Variants in CDH23 observed in about 807,000 individuals in gnomAD.
The protein encoded by CDH23 is cadherin related 23, also known as cadherin-23.
A neutral mutation model predicts 317.1 loss-of-function variants in CDH23; 189 were observed. The ratio of observed to expected loss-of-function variants is 0.60; its 90% CI spans 0.53 to 0.67. CDH23 has a LOEUF of 0.67. CDH23 is among the 30% of genes least tolerant of loss of function. The pLI, the probability that CDH23 is intolerant of heterozygous loss-of-function variation, is 0.00. For missense variants in CDH23, 4,401 were observed against 4,592.4 expected (o/e 0.96, Z 1.20); for synonymous variants, 1,839 against 1,876.8 (o/e 0.98, Z 0.52).
Position 71,489,470 on chromosome 10 carries a change from C to G in CDH23, c.146-20612C>G, listed in dbSNP as rs568172246. 4.9e-4 allele frequency among the ~76,000 whole-genome samples: 74 copies of G among 152,296 alleles called. 1 individual carries two copies. In the South Asian group the frequency reaches 0.015, roughly 31 times the overall value. On this transcript the variant is annotated intron_variant, in intron 3 of 69. Transcript: ENST00000224721. Reference sequence around the variant, plus strand: ...TACTGGTATTTGCAAGCCTCTCTTTCCATTATTGAAACACAGTAAACATGT... The same window carrying G: ...TACTGGTATTTGCAAGCCTCTCTTTGCATTATTGAAACACAGTAAACATGT...
At chr10:71,474,740 A>G (rs1002359360) in intron 3 of CDH23, among the ~76,000 whole-genome samples, 1 of 152,184 alleles carries the variant, frequency 6.6e-6, no homozygotes, top group Admixed American at 6.5e-5. Flanking sequence ...TTCTTAAGAG[A>G]ACTTACTTGT....
At position 71,778,312 on chromosome 10, in the gene CDH23, G is replaced by T. The variant is rs752015536; in HGVS notation, c.5187+4G>T. The T allele has an allele frequency of 1.2e-6, 2 of 1,613,890 alleles. No homozygotes were observed. On this transcript the variant is annotated splice_donor_region_variant and intron_variant, in intron 40 of 69. Transcript: ENST00000224721. ...CCGCCTCACCTCTACCACCACGGTG[G>T]GTGCATGGGACACAGCCCCAACTTG... is the stretch of plus-strand genomic sequence containing the variant.
rs1589293540 is a variant in CDH23 at position 71,646,569 on chromosome 10, C to A, written c.1401C>A (p.Ile467=). The change falls in exon 14 of 70, where the codon ATC becomes ATA. Residue 467 remains isoleucine, a synonymous_variant. Transcript: ENST00000224721. ...RPIFSQPLYN[I]SLYENVTVGT... ...TCTTCAGCCAGCCACTGTACAACATCAGCCTGTACGAGAACGTCACCGTGG... is the reference window on the plus strand; with the variant it reads ...TCTTCAGCCAGCCACTGTACAACATAAGCCTGTACGAGAACGTCACCGTGG... 4 of 1,614,010 alleles carry A rather than the reference C, an allele frequency of 2.5e-6. No homozygotes were observed. Among genetic ancestry groups the A allele is most frequent in the Non-Finnish European group, 2.5e-6 (3 of 1,179,900 alleles).
At position 71,704,939 on chromosome 10, in the gene CDH23, T is replaced by C. The variant is rs1488213305; in HGVS notation, c.2762T>C (p.Leu921Pro). 4.3e-6 allele frequency: 7 copies of C among 1,612,760 alleles called. No homozygotes were observed. Among genetic ancestry groups the C allele is most frequent in the Non-Finnish European group, 5.9e-6 (7 of 1,179,830 alleles). Residue 921 changes from leucine (L) to proline (P), a missense_variant, in exon 25 of 70, where the codon CTG becomes CCG. By Grantham distance (98) the Leu-to-Pro change is moderately conservative. Around this residue, in one of 3 missense-constraint regions of CDH23, gnomAD observed 3,068 missense variants for 3,203.3 expected, o/e 0.96. Transcript: ENST00000224721. ...QVVAIDLDEGLNGLVSYRMPV... is the reference protein window; with the variant it reads ...QVVAIDLDEGPNGLVSYRMPV... The stretch of plus-strand genomic sequence containing the variant: ...GTGGCCATCGACCTCGATGAGGGCC[T>C]GAACGGCCTGGTGTCCTACCGCATG...
At chr10:71,725,884 A>G (rs762408601) in intron 30 of CDH23, among the ~76,000 whole-genome samples, 3 of 152,186 alleles carry the variant, frequency 2.0e-5, no homozygotes, top group Non-Finnish European at 4.4e-5. Flanking sequence ...TTTACAGATG[A>G]GAAAACTGAG....
rs758869597 is a variant in CDH23, at chr10:71,694,115, C to T, written c.2177-32C>T. 1.9e-6 allele frequency: 3 copies of T among 1,539,024 alleles called. No homozygotes were observed. In the Admixed American group the frequency reaches 5.0e-5, roughly 26 times the overall value. On this transcript the variant is annotated intron_variant, in intron 20 of 69. Transcript: ENST00000224721. Reference sequence around the variant, plus strand: ...TCCCTCTCTCCCTGGCCCACCCAAACCCTCTCACGCACCCACTTCTCTCTC... The same window carrying T: ...TCCCTCTCTCCCTGGCCCACCCAAATCCTCTCACGCACCCACTTCTCTCTC...
chr10:71,519,743 T>A (rs1279750233), intron 6 of CDH23, among the ~76,000 whole-genome samples: 1 of 152,232 alleles, frequency 6.6e-6, no homozygotes, highest in Non-Finnish European at 1.5e-5. Flanking sequence ...AGGTTGTACT[T>A]GGTAACTGAT....
rs115122017 is a variant in CDH23 at position 71,439,061 on chromosome 10, G to C, written c.-5-766G>C. Among the ~76,000 whole-genome samples the C allele has an allele frequency of 5.3e-3, 809 of 152,182 alleles. 11 individuals carry two copies. The highest frequency in any genetic ancestry group is 0.018 in the African/African-American group (760 of 41,512). ...GACTGTTGCCATATGGGAGAGAGCT[G>C]TCTACCCTCCCAGCCACCCTTAGAA... On this transcript the variant is annotated intron_variant, in intron 1 of 69. Coordinates refer to ENST00000224721, the MANE Select transcript of CDH23 (RefSeq NM_022124.6).
chr10:71,643,972 T>C, intron 12 of CDH23, 106 bp downstream of exon 12: 1 of 723,918 alleles, frequency 1.4e-6, no homozygotes, highest in South Asian at 1.5e-5. Context: ...CCCCACCCTC[T>C]CAGGCCCCCA....
At chr10:71,408,997 G>A (rs1848234485) in intron 1 of CDH23, among the ~76,000 whole-genome samples, 1 of 152,238 alleles carries the variant, frequency 6.6e-6, no homozygotes, top group Non-Finnish European at 1.5e-5. Flanking sequence ...ATGTAAGGGT[G>A]GGCTTTCTCT....
At chr10:71,600,514 C>CTTT (rs538778849) in intron 9 of CDH23, among the ~76,000 whole-genome samples, 13 of 125,192 alleles carry the variant, frequency 1.0e-4, no homozygotes, top group East Asian at 2.4e-4. Flanking sequence ...GACCGCAGAA[C>CTTT]TTTTTTTTTT....
chr10:71,806,351 C>A, intron 57 of CDH23, 70 bp downstream of exon 57: 1 of 1,023,906 alleles, frequency 9.8e-7, no homozygotes, highest in Non-Finnish European at 1.5e-6. Context: ...CACACACTCT[C>A]CTATATACAC....
intron 30 of CDH23, among the ~76,000 whole-genome samples, chr10:71,729,122 A>G (rs1341966188): frequency 2.0e-5 from 3 of 152,206 alleles, no homozygotes; most frequent in Admixed American, 6.5e-5. Context: ...GGCAAAAGCC[A>G]CCATGCCTGG....
intron 14 of CDH23, among the ~76,000 whole-genome samples, chr10:71,667,281 G>T (rs1863942140): frequency 6.6e-6 from 1 of 152,208 alleles, no homozygotes; most frequent in Admixed American, 6.5e-5. Context: ...TAGGGAGGGG[G>T]TGTGGAGGAG....
At chr10:71,583,223 G>A (rs936630393) in intron 9 of CDH23, among the ~76,000 whole-genome samples, 15 of 151,332 alleles carry the variant, frequency 9.9e-5, no homozygotes, top group Non-Finnish European at 1.6e-4. Flanking sequence ...CAGCGTGGCC[G>A]GGCAGAGTGC....
At position 71,813,320 on chromosome 10, in the gene CDH23, C is replaced by A; in HGVS notation, c.9710C>A (p.Ala3237Asp). The A allele has an allele frequency of 1.3e-6, 2 of 1,551,588 alleles. No individual in the cohort carries two copies. The highest frequency in any genetic ancestry group is 1.7e-6 in the Non-Finnish European group (2 of 1,146,978). ...TTTGCACAGCGGATGGTGCAAAAAG[C>A]CTCCTCCTGCCACTCCTCCATCTCT... ...KLFAQRMVQK[A>D]SSCHSSISEL... The change falls in exon 69 of 70, where the codon GCC (alanine) becomes GAC (aspartate). Residue 3237 changes from alanine (A) to aspartate (D), a missense_variant. By Grantham distance (126) the Ala-to-Asp change is moderately radical. Around this residue, in one of 3 missense-constraint regions of CDH23, gnomAD observed 1,144 missense variants for 1,138.2 expected, o/e 1.01. Transcript: ENST00000224721.
At position 71,815,691 on chromosome 10, in the gene CDH23, T is replaced by G; in HGVS notation, c.*413T>G. ...GCGCAAGGGAGGCCCAGCGCGGACATCCCCTGCTGGCCGGACACCCGACTC... is the reference window on the plus strand; with the variant it reads ...GCGCAAGGGAGGCCCAGCGCGGACAGCCCCTGCTGGCCGGACACCCGACTC... On this transcript the variant is annotated 3_prime_UTR_variant, in exon 70 of 70. Coordinates refer to ENST00000224721, the MANE Select transcript of CDH23 (RefSeq NM_022124.6). 1 of 165,048 alleles carries G rather than the reference T, an allele frequency of 6.1e-6. No individual in the cohort carries two copies. Among genetic ancestry groups the G allele is most frequent in the Non-Finnish European group, 1.3e-5 (1 of 76,518 alleles). 10.2% of individuals were successfully genotyped at this position (165,048 alleles called of 1,614,324 possible).
At chr10:71,423,817 G>A (rs1005415755) in intron 1 of CDH23, among the ~76,000 whole-genome samples, 1 of 152,230 alleles carries the variant, frequency 6.6e-6, no homozygotes, top group Non-Finnish European at 1.5e-5. Context: ...GAGGCTGGTG[G>A]TGCTCGCTGG....
intron 6 of CDH23, among the ~76,000 whole-genome samples, chr10:71,514,742 G>A (rs1183622588): frequency 2.0e-5 from 3 of 152,188 alleles, no homozygotes; most frequent in Non-Finnish European, 2.9e-5. Flanking sequence ...AGGCAGTGTA[G>A]ATGCTTTCAA....
Sources: allele counts gnomAD v4.1 joint callset (sites outside exome capture counted in the v4.1 genomes callset), GRCh38; gene constraint gnomAD v4.1.1; regional missense constraint gnomAD v4.1.1; transcripts MANE v1.5; gene names NCBI Gene and HGNC (gene_info 2026-07-23, HGNC 2026-07-21).